The following PARG variants were observed in gnomAD, a reference collection of about 807,000 sequenced individuals.
PARG encodes poly(ADP-ribose) glycohydrolase, also known as mitochondrial poly(ADP-ribose) glycohydrolase.
A neutral mutation model predicts 113.0 loss-of-function variants in PARG; 35 were observed. The ratio of observed to expected loss-of-function variants is 0.31; its 90% CI spans 0.24 to 0.41. The LOEUF (loss-of-function observed/expected upper bound fraction) is 0.41. PARG is among the 10% of genes least tolerant of loss of function. The pLI, the probability that PARG is intolerant of heterozygous loss-of-function variation, is 1.00. For synonymous variants in PARG, 330 were observed against 409.9 expected, an observed-to-expected ratio of 0.81 and a Z score of 2.36; for missense variants, 797 against 1,169.4, an observed-to-expected ratio of 0.68 and a Z score of 4.64.
At chr10:49,912,885 T>C (rs1337580731) in intron 7 of PARG, among the ~76,000 whole-genome samples, 2 of 152,118 alleles carry the variant, frequency 1.3e-5, no homozygotes, top group Non-Finnish European at 2.9e-5. Context: ...GGAGGAAGTA[T>C]ACAGCCCCGG....
chr10:49,857,793 A>T (rs1482753419), intron 12 of PARG, among the ~76,000 whole-genome samples: 1 of 146,968 alleles, frequency 6.8e-6, no homozygotes, highest in African/African-American at 2.5e-5. Flanking sequence ...GAAGGTTTCA[A>T]AGTCATTCTC....
chr10:49,941,637 C>G lies in PARG; in HGVS notation c.89G>C (p.Ser30Thr). The G allele has an allele frequency of 1.3e-6, 2 of 1,597,134 alleles. No individual in the cohort carries two copies. Among genetic ancestry groups the G allele is most frequent in the Non-Finnish European group, 1.7e-6 (2 of 1,173,074 alleles). ...TTSPAASDAR[S>T]FPSRQRRVLD... ...GACGCGCCTCTGCCTGCTGGGAAAG[C>G]TCCGGGCGTCCGAAGCAGCCGGCGA... The change falls in exon 1 of 18, where the codon AGC (serine) becomes ACC (threonine). Residue 30 changes from serine to threonine, a missense_variant. This residue lies in a region of PARG where 27 missense variants were observed against 54.3 expected (regional missense o/e 0.50). Coordinates refer to ENST00000616448, the MANE Select transcript of PARG (RefSeq NM_003631.5).
At chr10:49,869,254 G>A (rs1357367374) in intron 10 of PARG, among the ~76,000 whole-genome samples, 6 of 152,176 alleles carry the variant, frequency 3.9e-5, no homozygotes, top group South Asian at 4.2e-4. Context: ...ATATGGGTCC[G>A]ATTTCAGAGT....
At position 49,941,894 on chromosome 10, in the gene PARG, G is replaced by A. The variant is rs1443477200; in HGVS notation, c.-169C>T. ...ATCCGCCGGCCTCCCAAGTCAGGCC[G>A]TAAACACTCGCCTGCCTTCCCTCTT... On this transcript the variant is annotated 5_prime_UTR_variant, in exon 1 of 18. The change creates a new upstream start codon in the 5' untranslated region. Coordinates refer to ENST00000616448, the MANE Select transcript of PARG (RefSeq NM_003631.5). 12 of 1,242,258 alleles carry A rather than the reference G, an allele frequency of 9.7e-6. No homozygotes were observed. The highest frequency in any genetic ancestry group is 1.4e-5 in the Non-Finnish European group (12 of 877,548). The allele number at this position is 1,242,258 out of a possible 1,614,324, so 77.0% of individuals were successfully genotyped here.
At position 49,933,592 on chromosome 10, in the gene PARG, T is replaced by C. The variant is rs1554910495; in HGVS notation, c.856A>G (p.Ser286Gly). ...AATGGAGGAGAATTTCCTAGGCAAC[T>C]TTCTTGTCTAGTCAATTTGTTGTCA... ...KNDNKLTRQE[S>G]CLGNSPPFEK... The change falls in exon 3 of 18, where the codon AGT becomes GGT. Residue 286 changes from serine (S) to glycine (G), a missense_variant. Ser to Gly is a moderately conservative substitution (Grantham distance 56). Around this residue, in one of 5 missense-constraint regions of PARG, gnomAD observed 284 missense variants for 306.1 expected, o/e 0.93. Transcript: ENST00000616448. The C allele has an allele frequency of 7.6e-4, 1,222 of 1,610,586 alleles. 15 individuals are homozygous for C. In the African/African-American group the frequency reaches 0.014, roughly 19 times the overall value.
At position 49,932,211 on chromosome 10, in the gene PARG, A is replaced by C; in HGVS notation, c.1344T>G (p.Ser448=). 27 of 1,600,482 alleles carry C rather than the reference A, an allele frequency of 1.7e-5. No homozygotes were observed. Among genetic ancestry groups the C allele is most frequent in the Non-Finnish European group, 2.3e-5 (27 of 1,167,518 alleles). Residue 448 remains serine (S), a synonymous_variant, in exon 4 of 18, where the codon TCT becomes TCG. Transcript: ENST00000616448. ...GAGTTCCAAGCCACTTCTTATCTGG[A>C]GAAAGGTGAGGTGGAACGTATTTAG... ...KIPKYVPPHL[S]PDKKWLGTPI... is the part of the protein sequence containing the mutation.
chr10:49,849,306 G>A (rs1246114194), intron 13 of PARG, among the ~76,000 whole-genome samples: 12 of 152,252 alleles, frequency 7.9e-5, no homozygotes, highest in Non-Finnish European at 1.6e-4. Context: ...TTGGCAAAAC[G>A]ACGCTGAAGG....
At chr10:49,843,456 T>C in intron 14 of PARG, 98 bp downstream of exon 14, 1 of 754,230 alleles carries the variant, frequency 1.3e-6, no homozygotes. Context: ...TTAAGTTCAC[T>C]TGCTGAAATA....
At chr10:49,912,034 T>G (rs1837214757) in intron 7 of PARG, among the ~76,000 whole-genome samples, 1 of 152,184 alleles carries the variant, frequency 6.6e-6, no homozygotes. Context: ...GAGCAGCCGC[T>G]CACACCTGTA....
intron 16 of PARG, among the ~76,000 whole-genome samples, chr10:49,822,915 CA>C (rs1185570837): frequency 1.3e-5 from 2 of 151,696 alleles, no homozygotes; most frequent in East Asian, 1.9e-4. Context: ...TCATAAGAGA[CA>C]AAAAAAGGCT....
At chr10:49,901,902 T>C (rs1282948353) in intron 7 of PARG, among the ~76,000 whole-genome samples, 1 of 152,212 alleles carries the variant, frequency 6.6e-6, no homozygotes, top group East Asian at 1.9e-4. Context: ...TTCTATTCAG[T>C]CTAACTTTCT....
At chr10:49,893,743 G>C (rs1847928192) in intron 7 of PARG, among the ~76,000 whole-genome samples, 1 of 151,756 alleles carries the variant, frequency 6.6e-6, no homozygotes, top group Non-Finnish European at 1.5e-5. Context: ...GCCCAGGCTG[G>C]GGTGCAGTGG....
Position 49,819,267 on chromosome 10 carries a change from A to T in PARG, c.*73T>A. 5.8e-6 allele frequency: 7 copies of T among 1,216,094 alleles called. No homozygotes were observed. In the South Asian group the frequency reaches 1.0e-4, roughly 18 times the overall value. 75.3% of individuals were successfully genotyped at this position (1,216,094 alleles called of 1,614,324 possible). A position where few individuals can be genotyped will look rare whatever the true frequency, so the allele number is the denominator to read the frequency against. ...CATTTATATTAACTTAAGTCAATTC[A>T]TATATTACACCTGACAGCTCAAACA... On this transcript the variant is annotated 3_prime_UTR_variant, in exon 18 of 18. Transcript: ENST00000616448.
In PARG at chr10:49,933,271, G is replaced by A; in HGVS notation, c.1177C>T (p.Leu393=). The change falls in exon 3 of 18, where the codon CTG becomes TTG. Residue 393 remains leucine (L), a synonymous_variant. Transcript: ENST00000616448. The stretch of plus-strand genomic sequence containing the variant: ...TTAGAATTTCTGCATTCTACATTCA[G>A]GCTAGAAATATTTCCAGGTAGTTTA... The part of the protein sequence containing the change: ...NAKLPGNISS[L]NVECRNSKQH... 1.2e-6 allele frequency: 2 copies of A among 1,601,326 alleles called. No individual in the cohort carries two copies. Among genetic ancestry groups the A allele is most frequent in the Non-Finnish European group, 1.7e-6 (2 of 1,171,002 alleles).
chr10:49,934,631 C>T (rs1275723002), intron 2 of PARG, among the ~76,000 whole-genome samples: 38 of 152,238 alleles, frequency 2.5e-4, no homozygotes, highest in South Asian at 8.3e-4. Flanking sequence ...AGGCAGATCA[C>T]GAGGTCAGGA....
intron 7 of PARG, among the ~76,000 whole-genome samples, chr10:49,891,058 T>TA (rs1847751711): frequency 6.6e-6 from 1 of 152,236 alleles, no homozygotes; most frequent in South Asian, 2.1e-4. Context: ...CTCATGCCTG[T>TA]AATCCCAGCA....
intron 7 of PARG, among the ~76,000 whole-genome samples, chr10:49,913,999 C>T (rs1348997966): frequency 2.0e-5 from 3 of 150,426 alleles, no homozygotes; most frequent in Non-Finnish European, 4.4e-5. Flanking sequence ...GAGTAATCAT[C>T]TCATATTTAT....
At position 49,915,977 on chromosome 10, in the gene PARG, T is replaced by C; in HGVS notation, c.1677A>G (p.Lys559=). ...ATTTCTTAGAATATGCCACATTGTA[T>C]TTCAGAATAGCATCCTGTGGAAAAT... ...RPQNLKDAIL[K]YNVAYSKKWD... is the part of the protein sequence containing the mutation. Residue 559 remains lysine, a synonymous_variant, in exon 7 of 18, where the codon AAA becomes AAG. Coordinates refer to ENST00000616448, the MANE Select transcript of PARG (RefSeq NM_003631.5). 3.2e-6 allele frequency: 5 copies of C among 1,539,684 alleles called. No homozygotes were observed. Among genetic ancestry groups the C allele is most frequent in the Non-Finnish European group, 4.4e-6 (5 of 1,135,622 alleles).
chr10:49,844,857 C>G (rs1554833063), intron 13 of PARG, among the ~76,000 whole-genome samples: 1 of 152,124 alleles, frequency 6.6e-6, no homozygotes, highest in African/African-American at 2.4e-5. Flanking sequence ...AAATATCTGA[C>G]AAAGGACTTG....
Sources: allele counts gnomAD v4.1 joint callset (sites outside exome capture counted in the v4.1 genomes callset), GRCh38; gene constraint gnomAD v4.1.1; regional missense constraint gnomAD v4.1.1; transcripts MANE v1.5; gene names NCBI Gene and HGNC (gene_info 2026-07-23, HGNC 2026-07-21).